GCNT1: variants seen among roughly 807,000 people sequenced by gnomAD.
The protein encoded by GCNT1 is beta-1,3-galactosyl-O-glycosyl-glycoprotein beta-1,6-N-acetylglucosaminyltransferase.
Under a neutral mutation model 26.2 loss-of-function variants are expected in GCNT1, and 16 were observed. That is an observed-to-expected ratio of 0.61 (90% CI 0.41 to 0.93). The LOEUF (loss-of-function observed/expected upper bound fraction) is 0.93, where lower values mean the gene tolerates loss of function less well. Among genes scored for constraint, GCNT1 ranks in the 40% least tolerant of loss-of-function variants. The probability of loss-of-function intolerance (pLI) is 0.00; values close to 1 mark genes in which losing one functional copy is unlikely to be tolerated. For missense variants in GCNT1, 477 were observed against 526.7 expected, an observed-to-expected ratio of 0.91 and a Z score of 0.92; for synonymous variants, 183 against 190.8, an observed-to-expected ratio of 0.96 and a Z score of 0.34.
At chr9:76,433,271 A>G (rs1173077913) in intron 1 of GCNT1, among the ~76,000 whole-genome samples, 1 of 152,218 alleles carries the variant, frequency 6.6e-6, no homozygotes, top group East Asian at 1.9e-4. Context: ...AACGGAAAGC[A>G]GCAGGGCCAG....
upstream of GCNT1, among the ~76,000 whole-genome samples, chr9:76,456,159 T>C (rs145890779): frequency 1.4e-4 from 21 of 152,326 alleles, no homozygotes; most frequent in East Asian, 3.9e-3. Context: ...AAATCACATT[T>C]CCTATAAGGT....
At chr9:76,447,127 C>A (rs13297827) in intron 1 of GCNT1, among the ~76,000 whole-genome samples, 4,215 of 124,406 alleles carry the variant, frequency 0.034, 90 homozygotes, top group Non-Finnish European at 0.05. Flanking sequence ...TGCACTACAT[C>A]CTGGGCAGAG....
upstream of GCNT1, among the ~76,000 whole-genome samples, chr9:76,438,209 G>A (rs1823435062): frequency 6.6e-6 from 1 of 152,200 alleles, no homozygotes; most frequent in Non-Finnish European, 1.5e-5. Context: ...GAGACATAAT[G>A]CATCAATCAA....
chr9:76,399,161 C>G, the GCNT1 span: 13 of 1,474,094 alleles, frequency 8.8e-6, no homozygotes, highest in Non-Finnish European at 1.2e-5. Context: ...TTCTCCTATG[C>G]GCTATGTGGA....
intron 2 of GCNT1, among the ~76,000 whole-genome samples, chr9:76,476,443 A>G (rs533524708): frequency 1.3e-5 from 2 of 152,124 alleles, no homozygotes; most frequent in Non-Finnish European, 2.9e-5. Context: ...AAAAAAGAGA[A>G]AAAGAAAAAA....
intron 1 of GCNT1, among the ~76,000 whole-genome samples, chr9:76,431,667 G>A (rs1339023039): frequency 1.3e-5 from 2 of 152,066 alleles, no homozygotes; most frequent in Non-Finnish European, 2.9e-5. Flanking sequence ...AGCCCCAGTC[G>A]CCTCTTTGGA....
At chr9:76,455,039 A>G (rs1253773231), upstream of GCNT1, among the ~76,000 whole-genome samples, 1 of 151,366 alleles carries the variant, frequency 6.6e-6, no homozygotes, top group Non-Finnish European at 1.5e-5. Flanking sequence ...GTAGAGACAG[A>G]GTTTCACCAT....
At chr9:76,458,279 T>G (rs994789863), upstream of GCNT1, among the ~76,000 whole-genome samples, 1 of 140,960 alleles carries the variant, frequency 7.1e-6, no homozygotes, top group Non-Finnish European at 1.5e-5. Context: ...GCCTCCCGGG[T>G]TCACGCCATT....
intron 2 of GCNT1, among the ~76,000 whole-genome samples, chr9:76,468,011 A>G (rs1452991499): frequency 6.8e-6 from 1 of 147,158 alleles, no homozygotes; most frequent in Non-Finnish European, 1.5e-5. Context: ...GGTTCAAGCA[A>G]TTGTCCTGCC....
chr9:76,496,346 G>A (rs113452167), intron 2 of GCNT1, among the ~76,000 whole-genome samples: 76 of 152,330 alleles, frequency 5.0e-4, no homozygotes, highest in African/African-American at 1.5e-3. Context: ...AGAGGGATCC[G>A]TGCAACCAGC....
chr9:76,485,106 A>G (rs10869782), intron 2 of GCNT1, among the ~76,000 whole-genome samples: 68,620 of 151,840 alleles, frequency 0.45, 16,116 homozygotes, highest in Non-Finnish European at 0.51. Context: ...TTTATTGTAC[A>G]TACTTGTTGG....
intron 1 of GCNT1, among the ~76,000 whole-genome samples, chr9:76,451,948 CTTTTTTTT>C (rs747978017): frequency 1.0e-5 from 1 of 98,436 alleles, no homozygotes; most frequent in Non-Finnish European, 2.0e-5. Flanking sequence ...TTCTTTCTTT[CTTTTTTTT>C]TTTTTTTTTT....
chr9:76,420,170 AGGTCTATTGTAGGAAGCAAGTGT>A (rs1823170309), intron 1 of GCNT1: 2 of 152,236 alleles, frequency 1.3e-5, no homozygotes, highest in Non-Finnish European at 2.9e-5. Flanking sequence ...GAAGCAAGTG[AGGTCTATTGTAGGAAGCAAGTGT>A]GGTCTATCAT....
upstream of GCNT1, among the ~76,000 whole-genome samples, chr9:76,417,516 A>G (rs1296824841): frequency 6.6e-6 from 1 of 152,216 alleles, no homozygotes; most frequent in African/African-American, 2.4e-5. Context: ...TTTTACGTCA[A>G]CTGAACAAAA....
At chr9:76,492,457 G>A (rs531050584) in intron 2 of GCNT1, among the ~76,000 whole-genome samples, 43 of 152,020 alleles carry the variant, frequency 2.8e-4, no homozygotes, top group South Asian at 1.5e-3. Context: ...ACAGCTGTCC[G>A]GGACAGGAGA....
chr9:76,502,693 C>A lies in GCNT1; in HGVS notation c.312C>A (p.Ile104=). 1.9e-6 allele frequency: 3 copies of A among 1,614,122 alleles called. No homozygotes were observed. The highest frequency in any genetic ancestry group is 2.5e-6 in the Non-Finnish European group (3 of 1,179,980). ...INMTSDCSSF[I]KRRKYIVEPL... is the part of the protein sequence containing the mutation. The stretch of plus-strand genomic sequence containing the variant: ...TGACCAGTGACTGTTCTTCTTTCAT[C>A]AAGAGACGCAAATATATTGTAGAAC... The change falls in exon 4 of 4, where the codon ATC becomes ATA. Residue 104 remains isoleucine, a synonymous_variant. Coordinates refer to ENST00000376730, the MANE Select transcript of GCNT1 (RefSeq NM_001490.5).
chr9:76,503,772 T>C lies in GCNT1; in HGVS notation c.*104T>C. The C allele has an allele frequency of 1.1e-6, 1 of 880,482 alleles. No individual in the cohort carries two copies. Among genetic ancestry groups the C allele is most frequent in the South Asian group, 1.5e-5 (1 of 65,988 alleles). The allele number at this position is 880,482 out of a possible 1,614,324, so 54.5% of individuals were successfully genotyped here. On this transcript the variant is annotated 3_prime_UTR_variant, in exon 4 of 4. Transcript: ENST00000376730. The stretch of plus-strand genomic sequence containing the variant: ...CGGGAAGATGGTATGAAGTCCTCTT[T>C]GGGGCAGGGACTCTAGTAGATCTTC...
chr9:76,455,792 G>T (rs1823749941), upstream of GCNT1, among the ~76,000 whole-genome samples: 1 of 152,112 alleles, frequency 6.6e-6, no homozygotes, highest in Non-Finnish European at 1.5e-5. Flanking sequence ...AGTAGAGACG[G>T]GGTTTCGCCA....
At chr9:76,398,538 C>T in the GCNT1 span, among the ~76,000 whole-genome samples, 1 of 152,328 alleles carries the variant, frequency 6.6e-6, no homozygotes, top group African/African-American at 2.4e-5. Context: ...CGTACTTTTA[C>T]TATGTTATCC....
Sources: gnomAD v4.1 joint callset for allele counts (sites outside exome capture counted in the v4.1 genomes callset) on GRCh38, gnomAD v4.1.1 for gene constraint, MANE v1.5 for transcripts, NCBI Gene and HGNC (gene_info 2026-07-23, HGNC 2026-07-21) for gene names.